The following HFM1 variants were observed in gnomAD, a reference collection of about 807,000 sequenced individuals.
HFM1 encodes the protein helicase for meiosis 1.
Under a neutral mutation model 192.1 loss-of-function variants are expected in HFM1, and 169 were observed. That is an observed-to-expected ratio of 0.88 (90% CI 0.78 to 1.00). The LOEUF (loss-of-function observed/expected upper bound fraction) is 1.00, where lower values mean the gene tolerates loss of function less well. HFM1 is among the 50% of genes least tolerant of loss of function. The pLI, the probability that HFM1 is intolerant of heterozygous loss-of-function variation, is 0.00. For missense variants in HFM1, 1,661 were observed against 1,668.0 expected (o/e 1.00, Z 0.07); for synonymous variants, 525 against 537.8 (o/e 0.98, Z 0.33).
At chr1:91,382,460 G>C (rs1366315636) in intron 6 of HFM1, among the ~76,000 whole-genome samples, 1 of 152,114 alleles carries the variant, frequency 6.6e-6, no homozygotes, top group Non-Finnish European at 1.5e-5. Flanking sequence ...CAAATACTTA[G>C]AACAGTGCCT....
intron 30 of HFM1, among the ~76,000 whole-genome samples, chr1:91,299,571 T>C (rs1648324687): frequency 6.6e-6 from 1 of 152,036 alleles, no homozygotes; most frequent in African/African-American, 2.4e-5. Flanking sequence ...GAACAGAAAT[T>C]ATAACAAACT....
upstream of HFM1, among the ~76,000 whole-genome samples, chr1:91,407,655 G>A (rs1257272333): frequency 2.0e-5 from 3 of 152,146 alleles, no homozygotes; most frequent in Admixed American, 2.0e-4. Context: ...TCCTGGCTAA[G>A]GGACATTTGA....
At chr1:91,348,859 A>G (rs1656523190) in intron 18 of HFM1, among the ~76,000 whole-genome samples, 1 of 152,112 alleles carries the variant, frequency 6.6e-6, no homozygotes, top group Non-Finnish European at 1.5e-5. Context: ...AGAAGGTTGA[A>G]GCTGCAGTAA....
At chr1:91,323,768 A>G (rs574543113) in intron 21 of HFM1, among the ~76,000 whole-genome samples, 1 of 152,334 alleles carries the variant, frequency 6.6e-6, no homozygotes, top group Admixed American at 6.5e-5. Context: ...GCTAAACTCA[A>G]GATCAGATGA....
At chr1:91,334,822 A>G (rs281978) in intron 20 of HFM1, among the ~76,000 whole-genome samples, 148,047 of 148,658 alleles carry the variant, frequency 1, 73,718 homozygotes, top group Non-Finnish European at 1. Context: ...CCAGCTACTC[A>G]GGAGGCTGAG....
intron 13 of HFM1, among the ~76,000 whole-genome samples, chr1:91,361,888 T>A (rs1430642274): frequency 1.3e-5 from 2 of 152,066 alleles, no homozygotes; most frequent in Admixed American, 1.3e-4. Context: ...GGATGCAAGG[T>A]TGGTTCAATG....
intron 30 of HFM1, among the ~76,000 whole-genome samples, chr1:91,291,267 G>A (rs1476941833): frequency 6.6e-6 from 1 of 152,136 alleles, no homozygotes; most frequent in African/African-American, 2.4e-5. Flanking sequence ...TCAGGAGCTG[G>A]TTTTTTGAAA....
At chr1:91,349,475 T>C (rs1007604484) in intron 18 of HFM1, among the ~76,000 whole-genome samples, 2 of 152,202 alleles carry the variant, frequency 1.3e-5, no homozygotes, top group African/African-American at 4.8e-5. Context: ...TTAGTCTGTC[T>C]CTGTCTCTGT....
At position 91,276,700 on chromosome 1, in the gene HFM1, T is replaced by A; in HGVS notation, c.3516A>T (p.Thr1172=). Reference sequence around the variant, plus strand: ...TTAAATCAGATAAATATGAAGAAATTGTTGACTCTTTAATTTCTGACTTCT... The same window carrying A: ...TTAAATCAGATAAATATGAAGAAATAGTTGACTCTTTAATTTCTGACTTCT... ...VAQKSEIKES[T]ISSYLSDLRN... Residue 1172 remains threonine (T), a synonymous_variant, in exon 32 of 39, where the codon ACA becomes ACT. Transcript: ENST00000370425. The A allele has an allele frequency of 6.4e-7, 1 of 1,561,654 alleles. No homozygotes were observed. Among genetic ancestry groups the A allele is most frequent in the Non-Finnish European group, 8.6e-7 (1 of 1,159,356 alleles).
intron 4 of HFM1, among the ~76,000 whole-genome samples, chr1:91,386,709 T>G (rs1007765630): frequency 6.6e-6 from 1 of 152,086 alleles, no homozygotes; most frequent in Middle Eastern, 3.2e-3. Context: ...CACCTAATAG[T>G]ATTTAAATTT....
chr1:91,381,857 T>C (rs941988287), intron 6 of HFM1, among the ~76,000 whole-genome samples: 1 of 152,192 alleles, frequency 6.6e-6, no homozygotes, highest in Admixed American at 6.5e-5. Context: ...TTTATAAAGA[T>C]ATACAAGAAC....
rs1441261345 is a variant in HFM1, at chr1:91,340,320, TAAAGA to T, written c.2335+3105_2335+3109del. Among the ~76,000 whole-genome samples, 3 of 152,126 alleles carry T rather than the reference TAAAGA, an allele frequency of 2.0e-5. No homozygotes were observed. The South Asian group carries it at 6.2e-4, about 32-fold the overall frequency. ...CCACTGTGCCCAGCCTTGGCATTCTTAAAGAAAAGAAACTCCAACCATAAGTTTCA... is the reference window on the plus strand; with the variant it reads ...CCACTGTGCCCAGCCTTGGCATTCTTAAAGAAACTCCAACCATAAGTTTCA... On this transcript the variant is annotated intron_variant, in intron 20 of 38. Coordinates refer to ENST00000370425, the MANE Select transcript of HFM1 (RefSeq NM_001017975.6).
chr1:91,378,952 C>T, intron 9 of HFM1, 111 bp downstream of exon 9: 2 of 590,060 alleles, frequency 3.4e-6, no homozygotes, highest in South Asian at 3.2e-5. Context: ...TGTTTGTTTG[C>T]ATTGTAAATA....
chr1:91,309,551 G>C (rs1469216989), intron 30 of HFM1, among the ~76,000 whole-genome samples: 1 of 152,090 alleles, frequency 6.6e-6, no homozygotes, highest in Non-Finnish European at 1.5e-5. Flanking sequence ...GTAAGATACA[G>C]CCTAAGAACA....
intron 2 of HFM1, among the ~76,000 whole-genome samples, chr1:91,399,512 G>A (rs1199966848): frequency 6.6e-6 from 1 of 152,084 alleles, no homozygotes; most frequent in Admixed American, 6.5e-5. Flanking sequence ...AGCATTCAAC[G>A]CACATCACCA....
At chr1:91,373,736 C>A (rs1254571856) in intron 13 of HFM1, among the ~76,000 whole-genome samples, 2 of 151,972 alleles carry the variant, frequency 1.3e-5, no homozygotes, top group South Asian at 4.1e-4. Context: ...CAAGGCCTCA[C>A]CAGAAGCCGA....
At chr1:91,332,684 A>G (rs1054721550) in intron 20 of HFM1, among the ~76,000 whole-genome samples, 1 of 152,116 alleles carries the variant, frequency 6.6e-6, no homozygotes. Flanking sequence ...GGGAGAAAAT[A>G]TTTGCAAACT....
At chr1:91,275,436 T>C (rs1030515764) in intron 32 of HFM1, among the ~76,000 whole-genome samples, 3 of 152,218 alleles carry the variant, frequency 2.0e-5, no homozygotes, top group African/African-American at 7.2e-5. Flanking sequence ...TCTCCTGATT[T>C]TCAAACAGTT....
intron 30 of HFM1, among the ~76,000 whole-genome samples, chr1:91,297,481 G>A (rs190862156): frequency 3.5e-4 from 53 of 152,302 alleles, no homozygotes; most frequent in African/African-American, 1.2e-3. Context: ...CTGAGAACAG[G>A]CAGACTGCCT....
Sources: gnomAD v4.1 joint callset for allele counts (sites outside exome capture counted in the v4.1 genomes callset) on GRCh38, gnomAD v4.1.1 for gene constraint, MANE v1.5 for transcripts, NCBI Gene and HGNC (gene_info 2026-07-23, HGNC 2026-07-21) for gene names.